Variants in CTNNA2 observed in about 807,000 individuals in gnomAD.
The protein encoded by CTNNA2 is catenin alpha-2.
In CTNNA2, 42 loss-of-function variants were observed where a neutral mutation model predicts 101.0. The observed-to-expected ratio is 0.42, with a 90% CI of 0.32 to 0.54. CTNNA2 has a LOEUF of 0.54. CTNNA2 is among the 20% of genes least tolerant of loss of function. CTNNA2 has a pLI of 0.14. For synonymous variants in CTNNA2, 450 were observed against 456.4 expected (o/e 0.99, Z 0.18); for missense variants, 871 against 1,223.1 (o/e 0.71, Z 4.29).
chr2:79,849,357 A>G (rs568904756), intron 3 of CTNNA2, among the ~76,000 whole-genome samples: 6 of 151,052 alleles, frequency 4.0e-5, no homozygotes, highest in East Asian at 2.0e-4. Flanking sequence ...GCCAAATATT[A>G]TCTTGTTTTT....
chr2:79,435,722 T>C (rs1051108799), intron 4 of CTNNA2, among the ~76,000 whole-genome samples: 6 of 152,112 alleles, frequency 3.9e-5, no homozygotes, highest in African/African-American at 4.8e-5. Flanking sequence ...AGCTGGCGTC[T>C]GGGGCAGCAC....
intron 2 of CTNNA2, among the ~76,000 whole-genome samples, chr2:79,243,641 A>G (rs1270179695): frequency 6.6e-6 from 1 of 152,218 alleles, no homozygotes; most frequent in African/African-American, 2.4e-5. Flanking sequence ...ACTAATTCTA[A>G]CCATAATGCA....
chr2:80,492,093 C>T (rs1055532428), intron 9 of CTNNA2, among the ~76,000 whole-genome samples: 1 of 152,108 alleles, frequency 6.6e-6, no homozygotes, highest in Non-Finnish European at 1.5e-5. Flanking sequence ...TTATAATCCT[C>T]AGTGTTAGAG....
intron 1 of CTNNA2, among the ~76,000 whole-genome samples, chr2:79,583,623 T>G (rs1052606055): frequency 6.6e-6 from 1 of 152,166 alleles, no homozygotes; most frequent in Admixed American, 6.6e-5. Flanking sequence ...AGGGTGGCTA[T>G]GTCATTTTGC....
At chr2:79,746,296 T>C (rs114579703) in intron 3 of CTNNA2, among the ~76,000 whole-genome samples, 2 of 152,304 alleles carry the variant, frequency 1.3e-5, no homozygotes, top group South Asian at 2.1e-4. Flanking sequence ...CTTTATATAG[T>C]CTGGATATTA....
In CTNNA2 at chr2:79,829,732, A is replaced by AT. The variant is rs869079183; in HGVS notation, c.299-28276dup. The stretch of plus-strand genomic sequence containing the variant: ...TATTTATTTATTTATTTATTTATTT[A>AT]TTTTTGAGACGGAGTCTCGCTCTGT... On this transcript the variant is annotated intron_variant, in intron 3 of 18. Transcript: ENST00000402739. Among the ~76,000 whole-genome samples, 596 of 101,348 alleles carry AT rather than the reference A, an allele frequency of 5.9e-3. 4 individuals carry two copies. Among genetic ancestry groups the AT allele is most frequent in the African/African-American group, 0.017 (503 of 29,378 alleles). 66.5% of individuals were successfully genotyped at this position (101,348 alleles called of 152,430 possible). A position where few individuals can be genotyped will look rare whatever the true frequency, so the allele number is the denominator to read the frequency against.
At chr2:79,929,398 G>A (rs1687238517) in intron 7 of CTNNA2, among the ~76,000 whole-genome samples, 1 of 152,210 alleles carries the variant, frequency 6.6e-6, no homozygotes, top group Non-Finnish European at 1.5e-5. Flanking sequence ...GAAACTGTAT[G>A]TATGACCACA....
intron 1 of CTNNA2, among the ~76,000 whole-genome samples, chr2:79,531,929 C>T (rs1341610959): frequency 6.6e-6 from 1 of 152,070 alleles, no homozygotes; most frequent in Non-Finnish European, 1.5e-5. Context: ...ATCTGCCCGC[C>T]TTGGCCTCCC....
chr2:79,488,907 T>C (rs1186735970), intron 4 of CTNNA2, among the ~76,000 whole-genome samples: 2 of 152,206 alleles, frequency 1.3e-5, no homozygotes, highest in East Asian at 3.9e-4. Context: ...TACCATTCTA[T>C]TGAAATTGCA....
intron 4 of CTNNA2, among the ~76,000 whole-genome samples, chr2:79,414,831 C>T (rs897383422): frequency 1.3e-5 from 2 of 151,966 alleles, no homozygotes; most frequent in African/African-American, 2.4e-5. Flanking sequence ...CATCTTAGAC[C>T]ATCCAGCCCC....
chr2:80,454,562 TA>T (rs1391072573), intron 9 of CTNNA2, among the ~76,000 whole-genome samples: 1 of 152,226 alleles, frequency 6.6e-6, no homozygotes, highest in Admixed American at 6.5e-5. Context: ...GTTAGATTTT[TA>T]AAAAGCTCTA....
At chr2:79,996,764 C>T (rs1017254586) in intron 7 of CTNNA2, among the ~76,000 whole-genome samples, 6 of 152,038 alleles carry the variant, frequency 3.9e-5, no homozygotes, top group East Asian at 1.9e-4. Flanking sequence ...GGCCCTGGAA[C>T]GTGGTGATTA....
rs752980092 is a variant in CTNNA2, at chr2:80,207,780, TG to T, written c.1057-185428del. Among the ~76,000 whole-genome samples, 16 of 152,246 alleles carry T rather than the reference TG, an allele frequency of 1.1e-4. No individual in the cohort carries two copies. In the East Asian group the frequency reaches 2.7e-3, roughly 26 times the overall value. On this transcript the variant is annotated intron_variant, in intron 7 of 18. Coordinates refer to ENST00000402739, the MANE Select transcript of CTNNA2 (RefSeq NM_001282597.3). ...CACACCATATATAAATAAGGCTCTT[TG>T]GGCCACTGAATTGATGAGATTGCCC...
rs542585070 is a variant in CTNNA2, at chr2:79,952,902, G to A, written c.1056+43105G>A. ...TGCCTATCCCTACTTTAGAATGTAT[G>A]CGTGAAGCTATGTTAACTTGTATTA... is the stretch of plus-strand genomic sequence containing the variant. On this transcript the variant is annotated intron_variant, in intron 7 of 18. Transcript: ENST00000402739. 2.0e-5 allele frequency among the ~76,000 whole-genome samples: 3 copies of A among 152,282 alleles called. No individual in the cohort carries two copies. The South Asian group carries it at 6.2e-4, about 32-fold the overall frequency.
intron 13 of CTNNA2, among the ~76,000 whole-genome samples, chr2:80,580,632 T>A (rs1695448746): frequency 6.6e-6 from 1 of 152,188 alleles, no homozygotes; most frequent in Non-Finnish European, 1.5e-5. Flanking sequence ...ATAATACATA[T>A]GTAAAAGTTA....
At chr2:79,977,615 G>A (rs1015037606) in intron 7 of CTNNA2, among the ~76,000 whole-genome samples, 2 of 152,082 alleles carry the variant, frequency 1.3e-5, no homozygotes, top group Admixed American at 6.6e-5. Context: ...TACATGCATA[G>A]TTTTAAATAG....
chr2:79,415,813 G>A (rs1010926782), intron 4 of CTNNA2, among the ~76,000 whole-genome samples: 1 of 151,964 alleles, frequency 6.6e-6, no homozygotes, highest in Admixed American at 6.6e-5. Context: ...AGGTCTATCT[G>A]TTCTTACCTT....
chr2:79,419,719 CAT>C (rs1214034737), intron 4 of CTNNA2, among the ~76,000 whole-genome samples: 8 of 152,012 alleles, frequency 5.3e-5, no homozygotes, highest in African/African-American at 1.7e-4. Context: ...AACAAGTTAA[CAT>C]ATAACTTCGT....
chr2:80,227,874 C>A (rs1307952313), intron 7 of CTNNA2, among the ~76,000 whole-genome samples: 1 of 151,984 alleles, frequency 6.6e-6, no homozygotes, highest in East Asian at 1.9e-4. Context: ...ATTAAAGGAC[C>A]CCAGTGGAGA....
Sources: gnomAD v4.1 joint callset for allele counts (sites outside exome capture counted in the v4.1 genomes callset) on GRCh38, gnomAD v4.1.1 for gene constraint, MANE v1.5 for transcripts, NCBI Gene and HGNC (gene_info 2026-07-23, HGNC 2026-07-21) for gene names.